Variants in BNC2 observed in about 807,000 individuals in gnomAD.
BNC2 encodes basonuclin zinc finger protein 2.
In BNC2, 20 loss-of-function variants were observed where a neutral mutation model predicts 76.3. The observed-to-expected ratio is 0.26, with a 90% confidence interval of 0.18 to 0.38. The LOEUF is 0.38. BNC2 is among the 10% of genes least tolerant of loss of function. The pLI, the probability that BNC2 is intolerant of heterozygous loss-of-function variation, is 1.00. For missense variants in BNC2, 1,382 were observed against 1,399.8 expected, an observed-to-expected ratio of 0.99 and a Z score of 0.20; for synonymous variants, 582 against 514.8, an observed-to-expected ratio of 1.13 and a Z score of -1.77.
intron 5 of BNC2, among the ~76,000 whole-genome samples, chr9:16,482,236 C>A (rs1822071960): frequency 6.6e-6 from 1 of 152,096 alleles, no homozygotes; most frequent in East Asian, 1.9e-4. Context: ...ACACAGTCTT[C>A]CAGCAGATTG....
chr9:16,704,568 G>GAAAAAAAAA (rs34866692), intron 3 of BNC2, among the ~76,000 whole-genome samples: 1 of 135,868 alleles, frequency 7.4e-6, no homozygotes. Flanking sequence ...TGCCAAAAAG[G>GAAAAAAAAA]AAAAAAAAAA....
chr9:16,547,170 G>A (rs1188870545), intron 5 of BNC2, among the ~76,000 whole-genome samples: 6 of 152,222 alleles, frequency 3.9e-5, no homozygotes, highest in Admixed American at 2.0e-4. Context: ...AACTTGCTCC[G>A]CAAAGAGCTG....
chr9:16,481,148 A>G (rs1179724230), intron 5 of BNC2, among the ~76,000 whole-genome samples: 2 of 152,036 alleles, frequency 1.3e-5, no homozygotes, highest in African/African-American at 2.4e-5. Flanking sequence ...CTCTGTATCT[A>G]ACTAATCTGA....
intron 3 of BNC2, among the ~76,000 whole-genome samples, chr9:16,647,485 TAATG>T (rs966386372): frequency 8.5e-5 from 13 of 152,174 alleles, no homozygotes; most frequent in African/African-American, 2.7e-4. Context: ...AAATGGAAGA[TAATG>T]AATGGTCAAT....
In BNC2 at chr9:16,422,334, T is replaced by C. The variant is rs185464105; in HGVS notation, c.2640-2685A>G. Among the ~76,000 whole-genome samples the C allele has an allele frequency of 1.6e-3, 239 of 152,294 alleles. 1 individual carries two copies. Among genetic ancestry groups the C allele is most frequent in the Admixed American group, 6.5e-4 (10 of 15,292 alleles). ...GTTGGCCTCTGCTAATATAATTACATTGACTTTTATTCAATTAAGTGCCAT... is the reference window on the plus strand; with the variant it reads ...GTTGGCCTCTGCTAATATAATTACACTGACTTTTATTCAATTAAGTGCCAT... On this transcript the variant is annotated intron_variant, in intron 6 of 6. Coordinates refer to ENST00000380672, the MANE Select transcript of BNC2 (RefSeq NM_017637.6).
At chr9:16,554,744 G>C (rs1006255441) in intron 4 of BNC2, among the ~76,000 whole-genome samples, 1 of 151,880 alleles carries the variant, frequency 6.6e-6, no homozygotes, top group African/African-American at 2.4e-5. Context: ...GATCGGGGGC[G>C]ATCTGCTCCT....
At chr9:16,846,262 A>T (rs1339547) in intron 1 of BNC2, among the ~76,000 whole-genome samples, 59,208 of 152,092 alleles carry the variant, frequency 0.39, 11,929 homozygotes, top group East Asian at 0.63. Context: ...TTAACTTAAT[A>T]AGAGGAAAGA....
At position 16,835,836 on chromosome 9, in the gene BNC2, G is replaced by A. The variant is rs1818693884; in HGVS notation, c.3+34810C>T. Among the ~76,000 whole-genome samples the A allele has an allele frequency of 2.0e-5, 3 of 152,318 alleles. No homozygotes were observed. The South Asian group carries it at 6.2e-4, about 32-fold the overall frequency. On this transcript the variant is annotated intron_variant, in intron 1 of 6. Coordinates refer to ENST00000380672, the MANE Select transcript of BNC2 (RefSeq NM_017637.6). Reference sequence around the variant, plus strand: ...AGAAAAACAGATTTAAGTTAAAGAGGTTTTAGAAGAATTGGCGTCTAAAGT... The same window carrying A: ...AGAAAAACAGATTTAAGTTAAAGAGATTTTAGAAGAATTGGCGTCTAAAGT...
At chr9:16,494,830 TG>T (rs1437540326) in intron 5 of BNC2, among the ~76,000 whole-genome samples, 1 of 151,736 alleles carries the variant, frequency 6.6e-6, no homozygotes, top group Non-Finnish European at 1.5e-5. Context: ...GGGCCTGTTG[TG>T]GGGTGGAGGG....
At chr9:16,692,951 G>A (rs1405193371) in intron 3 of BNC2, among the ~76,000 whole-genome samples, 3 of 151,888 alleles carry the variant, frequency 2.0e-5, no homozygotes, top group Non-Finnish European at 2.9e-5. Flanking sequence ...CCGACATGGA[G>A]AAACTCCGTC....
intron 1 of BNC2, among the ~76,000 whole-genome samples, chr9:16,805,274 CA>C (rs1208924222): frequency 6.6e-6 from 1 of 152,008 alleles, no homozygotes; most frequent in African/African-American, 2.4e-5. Flanking sequence ...TGAATGTAGC[CA>C]AACACATGAA....
At chr9:16,729,009 A>G (rs1490075170) in intron 2 of BNC2, among the ~76,000 whole-genome samples, 1 of 152,212 alleles carries the variant, frequency 6.6e-6, no homozygotes, top group East Asian at 1.9e-4. Context: ...TCAGGCAAAA[A>G]GTAATGAATA....
rs112318041 is a variant in BNC2 at position 16,820,151 on chromosome 9, C to T, written c.3+50495G>A. Reference sequence around the variant, plus strand: ...AAAAAAAAAAAAAAAAAGGGCTGGGCGTGGTCGCTCACATCTGTAATCTCA... The same window carrying T: ...AAAAAAAAAAAAAAAAAGGGCTGGGTGTGGTCGCTCACATCTGTAATCTCA... On this transcript the variant is annotated intron_variant, in intron 1 of 6. Transcript: ENST00000380672. Among the ~76,000 whole-genome samples the T allele has an allele frequency of 1.2e-4, 17 of 136,746 alleles. 1 individual carries two copies. Among genetic ancestry groups the T allele is most frequent in the African/African-American group, 3.6e-4 (13 of 35,618 alleles). The allele number at this position is 136,746 out of a possible 152,430, so 89.7% of individuals were successfully genotyped here. A position where few individuals can be genotyped will look rare whatever the true frequency, so the allele number is the denominator to read the frequency against.
chr9:16,743,783 T>A (rs1397952656), intron 1 of BNC2, among the ~76,000 whole-genome samples: 1 of 152,138 alleles, frequency 6.6e-6, no homozygotes, highest in Non-Finnish European at 1.5e-5. Flanking sequence ...CTGGCTCCTT[T>A]TTTCTCCCCC....
chr9:16,557,559 C>G (rs1483733324), intron 4 of BNC2, among the ~76,000 whole-genome samples: 1 of 151,490 alleles, frequency 6.6e-6, no homozygotes, highest in Non-Finnish European at 1.5e-5. Context: ...GTTGCATATA[C>G]AAAATATATA....
At chr9:16,806,537 A>C (rs1032090382) in intron 1 of BNC2, among the ~76,000 whole-genome samples, 1 of 152,264 alleles carries the variant, frequency 6.6e-6, no homozygotes, top group African/African-American at 2.4e-5. Flanking sequence ...AAATTACGCC[A>C]TAAGTAAAGT....
intron 3 of BNC2, among the ~76,000 whole-genome samples, chr9:16,673,577 A>G (rs2134205358): frequency 6.6e-6 from 1 of 152,326 alleles, no homozygotes; most frequent in Middle Eastern, 3.4e-3. Context: ...TGTACCGAGA[A>G]AAAGTATACC....
chr9:16,578,951 C>T (rs561593769), intron 4 of BNC2, among the ~76,000 whole-genome samples: 3 of 152,186 alleles, frequency 2.0e-5, no homozygotes, highest in Non-Finnish European at 4.4e-5. Flanking sequence ...GGCCCATCAA[C>T]TAAATTATTA....
intron 2 of BNC2, among the ~76,000 whole-genome samples, chr9:16,730,002 T>C (rs370802445): frequency 6.6e-6 from 1 of 151,904 alleles, no homozygotes; most frequent in African/African-American, 2.4e-5. Flanking sequence ...TCCTTGTCTC[T>C]TTCTCCCCCT....
Sources: gnomAD v4.1 joint callset for allele counts (sites outside exome capture counted in the v4.1 genomes callset) on GRCh38, gnomAD v4.1.1 for gene constraint, MANE v1.5 for transcripts, NCBI Gene and HGNC (gene_info 2026-07-23, HGNC 2026-07-21) for gene names.